DPYD: variants seen among roughly 807,000 people sequenced by gnomAD.
DPYD encodes dihydropyrimidine dehydrogenase [NADP(+)].
A neutral mutation model predicts 116.2 loss-of-function variants in DPYD; 109 were observed. The ratio of observed to expected loss-of-function variants is 0.94; its 90% CI spans 0.80 to 1.10. DPYD has a LOEUF of 1.10. Ranked by LOEUF, DPYD falls within the 50% of genes least tolerant of loss-of-function variation. The pLI is 0.00. For missense variants in DPYD, 1,302 were observed against 1,254.5 expected (o/e 1.04, Z -0.57); for synonymous variants, 440 against 432.0 (o/e 1.02, Z -0.23).
At chr1:97,444,763 C>T (rs1675983666) in intron 14 of DPYD, among the ~76,000 whole-genome samples, 1 of 152,126 alleles carries the variant, frequency 6.6e-6, no homozygotes, top group Non-Finnish European at 1.5e-5. Flanking sequence ...TAGAGAGCTA[C>T]TGGACATAGG....
chr1:97,761,038 C>T (rs1665546413), intron 3 of DPYD, among the ~76,000 whole-genome samples: 1 of 151,968 alleles, frequency 6.6e-6, no homozygotes, highest in Admixed American at 6.6e-5. Context: ...TCCAGCCACC[C>T]CTCGTGTGGT....
At chr1:97,387,522 T>C (rs544467085) in intron 14 of DPYD, among the ~76,000 whole-genome samples, 4 of 152,180 alleles carry the variant, frequency 2.6e-5, no homozygotes, top group Admixed American at 2.6e-4. Context: ...CCAGTTCCAA[T>C]TGTTAGACCT....
rs190205357 is a variant in DPYD at position 97,771,493 on chromosome 1, T to A, written c.234-31014A>T. On this transcript the variant is annotated intron_variant, in intron 3 of 22. Transcript: ENST00000370192. ...ATTTATTTCAAATAAATGAAGGAGA[T>A]GAAATTAACAAAAAAGCATATTTTT... 3.6e-3 allele frequency among the ~76,000 whole-genome samples: 553 copies of A among 152,144 alleles called. 2 individuals are homozygous for A. Among genetic ancestry groups the A allele is most frequent in the African/African-American group, 0.011 (474 of 41,520 alleles).
intron 4 of DPYD, among the ~76,000 whole-genome samples, chr1:97,726,210 A>T (rs1663249326): frequency 6.6e-6 from 1 of 151,582 alleles, no homozygotes; most frequent in Non-Finnish European, 1.5e-5. Flanking sequence ...CATAGGTTGA[A>T]TTTTTAAGAA....
At chr1:97,208,952 C>T (rs1659855807) in intron 19 of DPYD, among the ~76,000 whole-genome samples, 1 of 152,030 alleles carries the variant, frequency 6.6e-6, no homozygotes, top group Non-Finnish European at 1.5e-5. Context: ...CAACTGGTGT[C>T]TTCTGAGGTG....
chr1:97,822,335 G>A (rs1668988281), intron 3 of DPYD, among the ~76,000 whole-genome samples: 1 of 146,264 alleles, frequency 6.8e-6, no homozygotes, highest in Admixed American at 6.9e-5. Flanking sequence ...TATATACACA[G>A]ATTTTATATA....
At chr1:97,324,881 C>T (rs181747801) in intron 16 of DPYD, among the ~76,000 whole-genome samples, 2 of 152,056 alleles carry the variant, frequency 1.3e-5, no homozygotes, top group Admixed American at 1.3e-4. Flanking sequence ...TAATATAGTC[C>T]ATAAGGGAAA....
chr1:97,630,231 C>T (rs1171967935), intron 8 of DPYD, among the ~76,000 whole-genome samples: 1 of 151,752 alleles, frequency 6.6e-6, no homozygotes, highest in Non-Finnish European at 1.5e-5. Context: ...ATTATTCTTA[C>T]ATTGGACATT....
chr1:97,474,503 CTT>C (rs1057027877), intron 13 of DPYD, among the ~76,000 whole-genome samples: 23 of 151,892 alleles, frequency 1.5e-4, no homozygotes, highest in African/African-American at 5.1e-4. Context: ...ATTAAATCAA[CTT>C]AATACAGACT....
At chr1:97,282,276 GTCT>G (rs981938771) in intron 18 of DPYD, among the ~76,000 whole-genome samples, 10 of 151,940 alleles carry the variant, frequency 6.6e-5, no homozygotes, top group Non-Finnish European at 1.0e-4. Flanking sequence ...TTTCATATTC[GTCT>G]TCTAATTTTG....
intron 2 of DPYD, among the ~76,000 whole-genome samples, chr1:97,864,802 A>G (rs1440425237): frequency 6.6e-6 from 1 of 151,966 alleles, no homozygotes; most frequent in Non-Finnish European, 1.5e-5. Context: ...TGAAACTTTC[A>G]TAACAGCAGT....
intron 3 of DPYD, among the ~76,000 whole-genome samples, chr1:97,775,880 T>C (rs1666376630): frequency 6.6e-6 from 1 of 152,232 alleles, no homozygotes; most frequent in Non-Finnish European, 1.5e-5. Context: ...CACATTACTG[T>C]ATCTTAATTT....
At chr1:97,529,757 T>TTTCTTTTTC (rs1426493988) in intron 12 of DPYD, among the ~76,000 whole-genome samples, 6 of 135,436 alleles carry the variant, frequency 4.4e-5, no homozygotes, top group South Asian at 2.2e-4. Flanking sequence ...CCTTCCTTTC[T>TTTCTTTTTC]TTCTTTCTCT....
At chr1:97,495,465 T>G (rs773943693) in intron 13 of DPYD, among the ~76,000 whole-genome samples, 2 of 152,174 alleles carry the variant, frequency 1.3e-5, no homozygotes, top group Non-Finnish European at 2.9e-5. Context: ...TTTATTCATG[T>G]GAACTCAATG....
chr1:97,566,426 T>C (rs1216418106), intron 11 of DPYD, among the ~76,000 whole-genome samples: 3 of 152,190 alleles, frequency 2.0e-5, no homozygotes, highest in Non-Finnish European at 4.4e-5. Context: ...AGTTATTGTA[T>C]TGTATCCAGT....
intron 1 of DPYD, among the ~76,000 whole-genome samples, chr1:97,895,800 CTTAA>C (rs1439600430): frequency 2.6e-5 from 4 of 151,524 alleles, no homozygotes; most frequent in African/African-American, 9.7e-5. Flanking sequence ...ATTTTGTATT[CTTAA>C]TTAATACACT....
intron 13 of DPYD, among the ~76,000 whole-genome samples, chr1:97,459,622 T>C (rs1676907142): frequency 6.6e-6 from 1 of 152,092 alleles, no homozygotes; most frequent in African/African-American, 2.4e-5. Flanking sequence ...ATATTTTATA[T>C]GAATAAGAAA....
intron 8 of DPYD, among the ~76,000 whole-genome samples, chr1:97,666,543 G>A (rs1407388714): frequency 6.6e-6 from 1 of 151,902 alleles, no homozygotes; most frequent in Admixed American, 6.6e-5. Context: ...TATTGAAGAT[G>A]TACTTTAAAA....
intron 8 of DPYD, among the ~76,000 whole-genome samples, chr1:97,646,688 T>C (rs1461691669): frequency 6.6e-6 from 1 of 152,152 alleles, no homozygotes; most frequent in African/African-American, 2.4e-5. Context: ...ATTTTTCTTT[T>C]AATGCCATGA....
Sources: gnomAD v4.1 joint callset for allele counts (sites outside exome capture counted in the v4.1 genomes callset) on GRCh38, gnomAD v4.1.1 for gene constraint, MANE v1.5 for transcripts, NCBI Gene and HGNC (gene_info 2026-07-23, HGNC 2026-07-21) for gene names.